Variants in ZNF3 observed in about 807,000 individuals in gnomAD.
ZNF3 encodes the protein zinc finger protein 3.
Under a neutral mutation model 36.9 loss-of-function variants are expected in ZNF3, and 16 were observed. That is an observed-to-expected ratio of 0.43 (90% CI 0.29 to 0.66). ZNF3 has a LOEUF of 0.66. Among genes scored for constraint, ZNF3 ranks in the 30% least tolerant of loss-of-function variants. The probability of loss-of-function intolerance (pLI) is 0.13; values close to 1 mark genes in which losing one functional copy is unlikely to be tolerated. For synonymous variants in ZNF3, 201 were observed against 201.9 expected (o/e 1.00, Z 0.04); for missense variants, 462 against 543.1 (o/e 0.85, Z 1.48).
Position 100,077,508 on chromosome 7 carries a change from T to C in ZNF3, c.-76-75A>G, listed in dbSNP as rs1227399045. On this transcript the variant is annotated intron_variant, in intron 2 of 5. Coordinates refer to ENST00000299667, the MANE Select transcript of ZNF3 (RefSeq NM_032924.5). ...GAATACAGAAAGATGGGAGCTAGTA[T>C]TTCAGTGAGTACCCAGGAACAGTGA... 5.8e-6 allele frequency: 8 copies of C among 1,383,286 alleles called. No homozygotes were observed. The Admixed American group carries it at 7.5e-5, about 13-fold the overall frequency. The allele number at this position is 1,383,286 out of a possible 1,614,324, so 85.7% of individuals were successfully genotyped here.
intron 1 of ZNF3, among the ~76,000 whole-genome samples, chr7:100,080,177 T>C (rs773254899): frequency 6.6e-6 from 1 of 152,126 alleles, no homozygotes; most frequent in Non-Finnish European, 1.5e-5. Flanking sequence ...GGTAAGAAAG[T>C]TCTAACGTTC....
downstream of ZNF3, among the ~76,000 whole-genome samples, chr7:100,068,411 T>G (rs779543428): frequency 6.6e-6 from 1 of 151,698 alleles, no homozygotes; most frequent in Non-Finnish European, 1.5e-5. Flanking sequence ...TAGTGGCACA[T>G]GCTTGTAATC....
At position 100,070,420 on chromosome 7, in the gene ZNF3, C is replaced by T; in HGVS notation, c.*723G>A. On this transcript the variant is annotated 3_prime_UTR_variant, in exon 6 of 6. Transcript: ENST00000299667. ...GAGGCCAACGCTAAGTGCTTCTGACCCTCTCCCTCACAGCCGGTTACTAGC... is the reference window on the plus strand; with the variant it reads ...GAGGCCAACGCTAAGTGCTTCTGACTCTCTCCCTCACAGCCGGTTACTAGC... The T allele has an allele frequency of 1.0e-6, 1 of 985,386 alleles. No homozygotes were observed. The highest frequency in any genetic ancestry group is 1.2e-6 in the Non-Finnish European group (1 of 829,966). 61.0% of individuals were successfully genotyped at this position (985,386 alleles called of 1,614,324 possible).
chr7:100,070,678 T>C lies in ZNF3; in HGVS notation c.*465A>G. ...ATCATGAAACAAAACAGCATGTTTC[T>C]TACCGAAACTTAAAGCTGGACTAGG... On this transcript the variant is annotated 3_prime_UTR_variant, in exon 6 of 6. Transcript: ENST00000299667. The C allele has an allele frequency of 1.0e-6, 1 of 992,304 alleles. No homozygotes were observed. Among genetic ancestry groups the C allele is most frequent in the Non-Finnish European group, 1.2e-6 (1 of 833,826 alleles). The allele number at this position is 992,304 out of a possible 1,614,324, so 61.5% of individuals were successfully genotyped here.
At chr7:100,078,685 CAAACA>C (rs201445070) in intron 2 of ZNF3, 138 of 152,112 alleles carry the variant, frequency 9.1e-4, no homozygotes, top group South Asian at 2.1e-3. Flanking sequence ...GACTCTGTCT[CAAACA>C]AAACAAAACA....
downstream of ZNF3, among the ~76,000 whole-genome samples, chr7:100,069,120 G>A (rs187405467): frequency 2.7e-3 from 414 of 151,798 alleles, 2 homozygotes; most frequent in Admixed American, 4.7e-3. Flanking sequence ...GAGCCACTGC[G>A]CTCAGCCCTA....
Position 100,079,546 on chromosome 7 carries a change from C to A in ZNF3, c.-87G>T, listed in dbSNP as rs1584462504. On this transcript the variant is annotated 5_prime_UTR_variant, in exon 2 of 6. Coordinates refer to ENST00000299667, the MANE Select transcript of ZNF3 (RefSeq NM_032924.5). ...CACGGAAAGCTTTACCTGCCTGATT[C>A]TTTCCTTCCTTCTTTGAAGTCAGTC... 6.6e-6 allele frequency: 1 copy of A among 152,170 alleles called. No homozygotes were observed. The highest frequency in any genetic ancestry group is 2.4e-5 in the African/African-American group (1 of 41,434). The allele number at this position is 152,170 out of a possible 1,614,324, so 9.4% of individuals were successfully genotyped here. A position where few individuals can be genotyped will look rare whatever the true frequency, so the allele number is the denominator to read the frequency against.
At chr7:100,065,443 C>G (rs1792599199), downstream of ZNF3, among the ~76,000 whole-genome samples, 1 of 151,436 alleles carries the variant, frequency 6.6e-6, no homozygotes, top group Non-Finnish European at 1.5e-5. Context: ...AAAAATAAAG[C>G]GAATGCTTTC....
rs751630994 is a variant in ZNF3 at position 100,071,773 on chromosome 7, G to A, written c.711C>T (p.Phe237=). 9.9e-6 allele frequency: 16 copies of A among 1,613,802 alleles called. No homozygotes were observed. The African/African-American group carries it at 2.1e-4, about 22-fold the overall frequency. ...GCTGAATAAGGTGTGAGCTCTGGCT[G>A]AAGGCCTTCCCACACTCATTACATT... ...PYECNECGKA[F]SQSSHLIQHQ... Residue 237 remains phenylalanine, a synonymous_variant, in exon 6 of 6, where the codon TTC becomes TTT. Coordinates refer to ENST00000299667, the MANE Select transcript of ZNF3 (RefSeq NM_032924.5).
rs1794301385 is a variant in ZNF3 at position 100,077,422 on chromosome 7, A to G, written c.-65T>C. 1.2e-6 allele frequency: 2 copies of G among 1,612,550 alleles called. No homozygotes were observed. Among genetic ancestry groups the G allele is most frequent in the South Asian group, 2.2e-5 (2 of 91,028 alleles). On this transcript the variant is annotated 5_prime_UTR_variant, in exon 3 of 6. Transcript: ENST00000299667. ...CAGCGGGAAGCGGGTTTTAAAAGAG[A>G]ATGAGGAAGCACTGCAGAAGCAAAA...
chr7:100,075,353 A>C (rs775255805), intron 4 of ZNF3, 92 bp from the exon 5 acceptor site: 14 of 1,606,338 alleles, frequency 8.7e-6, no homozygotes, highest in Middle Eastern at 3.3e-4. Context: ...AAAAATGCAC[A>C]TTTGGGAAGG....
intron 1 of ZNF3, among the ~76,000 whole-genome samples, 169 bp from the exon 2 acceptor site, chr7:100,079,825 G>A (rs780714616): frequency 6.6e-6 from 1 of 151,836 alleles, no homozygotes; most frequent in Non-Finnish European, 1.5e-5. Context: ...AGCCTCCCAA[G>A]GAGCTGGGAC....
chr7:100,066,205 C>A (rs144899539), downstream of ZNF3, among the ~76,000 whole-genome samples: 376 of 152,102 alleles, frequency 2.5e-3, 3 homozygotes, highest in African/African-American at 8.7e-3. Context: ...CAAATCAAAG[C>A]CTTATCCTGT....
rs767695046 is a variant in ZNF3, at chr7:100,064,641, C to T, written c.*147G>A. 30 of 1,604,412 alleles carry T rather than the reference C, an allele frequency of 1.9e-5. No homozygotes were observed. The East Asian group carries it at 2.9e-4, about 16-fold the overall frequency. On this transcript the variant is annotated 3_prime_UTR_variant, in exon 6 of 6. Coordinates refer to the ZNF3 transcript ENST00000413658. Reference sequence around the variant, plus strand: ...AACTTTCAAGCGCTCCTGTTGTTGTCGTTGTTTTAAACTTTAGAATCTGAA... The same window carrying T: ...AACTTTCAAGCGCTCCTGTTGTTGTTGTTGTTTTAAACTTTAGAATCTGAA...
chr7:100,065,766 C>T (rs1409517903), downstream of ZNF3, among the ~76,000 whole-genome samples: 7 of 151,030 alleles, frequency 4.6e-5, no homozygotes, highest in Admixed American at 4.0e-4. Context: ...GCATCTGTCC[C>T]CCTGCTAAAC....
upstream of ZNF3, chr7:100,081,900 C>T: frequency 6.5e-6 from 1 of 153,034 alleles, no homozygotes; most frequent in Non-Finnish European, 1.5e-5. This position sits in a 1 kb window ranked among gnomAD's most constrained non-coding sequence, Gnocchi z 4.3. Context: ...GCTGACGCGG[C>T]ACTCGGGGAT....
At chr7:100,082,076 C>A (rs1017750459), upstream of ZNF3, among the ~76,000 whole-genome samples, 2 of 152,138 alleles carry the variant, frequency 1.3e-5, no homozygotes, top group South Asian at 2.1e-4. Context: ...CAGGCTGGCT[C>A]GCGAAGGGCA....
At position 100,071,083 on chromosome 7, in the gene ZNF3, AG is replaced by A; in HGVS notation, c.*59del. 1 of 1,521,900 alleles carries A rather than the reference AG, an allele frequency of 6.6e-7. No individual in the cohort carries two copies. Among genetic ancestry groups the A allele is most frequent in the Non-Finnish European group, 8.8e-7 (1 of 1,138,262 alleles). The allele number at this position is 1,521,900 out of a possible 1,614,324, so 94.3% of individuals were successfully genotyped here. ...CACATCCTAAGCTGTTGAGATTTATAGGGTAAGGCAAGAGCTCTTGAGACTC... is the reference window on the plus strand; with the variant it reads ...CACATCCTAAGCTGTTGAGATTTATAGGTAAGGCAAGAGCTCTTGAGACTC... On this transcript the variant is annotated 3_prime_UTR_variant, in exon 6 of 6. Coordinates refer to ENST00000299667, the MANE Select transcript of ZNF3 (RefSeq NM_032924.5).
chr7:100,077,372 C>T lies in ZNF3; in HGVS notation c.-15G>A. On this transcript the variant is annotated 5_prime_UTR_variant, in exon 3 of 6. Coordinates refer to ENST00000299667, the MANE Select transcript of ZNF3 (RefSeq NM_032924.5). ...TGAGTTTCCATGGAAGGGCAAGGTG[C>T]TCTCTGGTCTCCTGGGTGCAGACTC... 6.2e-7 allele frequency: 1 copy of T among 1,613,646 alleles called. No individual in the cohort carries two copies.
Sources: gnomAD v4.1 joint callset for allele counts (sites outside exome capture counted in the v4.1 genomes callset) on GRCh38, gnomAD v4.1.1 for gene constraint, Gnocchi (gnomAD v3.1) non-coding constraint, MANE v1.5 for transcripts, NCBI Gene and HGNC (gene_info 2026-07-23, HGNC 2026-07-21) for gene names.